CRYBB2: variants seen among roughly 807,000 people sequenced by gnomAD.
CRYBB2 encodes the protein beta-crystallin B2.
CRYBB2 carries 12 observed loss-of-function variants against 24.3 expected under a neutral mutation model. The observed-to-expected ratio is 0.49, with a 90% CI of 0.32 to 0.80. The LOEUF is 0.80. Among genes scored for constraint, CRYBB2 ranks in the 30% least tolerant of loss-of-function variants. The probability of loss-of-function intolerance (pLI) is 0.04; values close to 1 mark genes in which losing one functional copy is unlikely to be tolerated. For synonymous variants in CRYBB2, 98 were observed against 101.6 expected (o/e 0.96, Z 0.21); for missense variants, 198 against 268.5 (o/e 0.74, Z 1.83).
chr22:25,231,454 C>G lies in CRYBB2; in HGVS notation c.450-150C>G, dbSNP rs1356123723. 4 of 767,574 alleles carry G rather than the reference C, an allele frequency of 5.2e-6. No homozygotes were observed. The East Asian group carries it at 1.0e-4, about 19-fold the overall frequency. The allele number at this position is 767,574 out of a possible 1,614,324, so 47.5% of individuals were successfully genotyped here. A position where few individuals can be genotyped will look rare whatever the true frequency, so the allele number is the denominator to read the frequency against. ...TGGAAGGGTGGGGTGGAAAGGGTGT[C>G]CTGCTTACCCTTGGGAAGTGGCAAT... On this transcript the variant is annotated intron_variant, in intron 5 of 5. Coordinates refer to ENST00000398215, the MANE Select transcript of CRYBB2 (RefSeq NM_000496.3).
chr22:25,224,841 C>T (rs1326179457), intron 2 of CRYBB2, 77 bp from the exon 3 acceptor site: 3 of 835,226 alleles, frequency 3.6e-6, no homozygotes, highest in Non-Finnish European at 4.3e-6. Flanking sequence ...GTTCTCTGAG[C>T]TCCCTCCCCA....
chr22:25,223,980 T>C lies in CRYBB2; in HGVS notation c.55-938T>C, dbSNP rs571721639. 3.6e-4 allele frequency among the ~76,000 whole-genome samples: 54 copies of C among 152,028 alleles called. No homozygotes were observed. The South Asian group carries it at 9.6e-3, about 27-fold the overall frequency. On this transcript the variant is annotated intron_variant, in intron 2 of 5. Coordinates refer to ENST00000398215, the MANE Select transcript of CRYBB2 (RefSeq NM_000496.3). ...CTAAAAAAATACAAAAAAAATTAGC[T>C]GGGCGTGGTGGCAGGCGCCTGTAGT...
At chr22:25,230,683 CTCAT>C (rs200899061) in intron 5 of CRYBB2, among the ~76,000 whole-genome samples, 9 of 140,702 alleles carry the variant, frequency 6.4e-5, no homozygotes, top group Non-Finnish European at 1.2e-4. Context: ...CCTTCATTCC[CTCAT>C]TCATTCATTC....
intron 1 of CRYBB2, among the ~76,000 whole-genome samples, chr22:25,220,852 T>A (rs1291474473): frequency 6.6e-6 from 1 of 152,116 alleles, no homozygotes; most frequent in African/African-American, 2.4e-5. Flanking sequence ...ATGATTTCAC[T>A]AATGGGGGAG....
intron 1 of CRYBB2, 30 bp from the exon 2 acceptor site, chr22:25,221,374 G>A: frequency 6.9e-7 from 1 of 1,442,620 alleles, no homozygotes; most frequent in Non-Finnish European, 9.8e-7. Flanking sequence ...GCCCCTCCAG[G>A]TCCTCACTGC....
At chr22:25,219,748 G>C (rs965586577) in intron 1 of CRYBB2, 82 bp downstream of exon 1, 6 of 152,174 alleles carry the variant, frequency 3.9e-5, no homozygotes, top group Non-Finnish European at 8.8e-5. Context: ...CCCAGATTCT[G>C]ACAAGTGACT....
upstream of CRYBB2, among the ~76,000 whole-genome samples, chr22:25,214,799 A>T (rs1017222397): frequency 3.9e-5 from 6 of 152,190 alleles, no homozygotes; most frequent in African/African-American, 1.4e-4. Context: ...AAGGTTTTGG[A>T]GTCTACAAAT....
At position 25,222,521 on chromosome 22, in the gene CRYBB2, T is replaced by C. The variant is rs80182909; in HGVS notation, c.54+1038T>C. Among the ~76,000 whole-genome samples, 735 of 152,202 alleles carry C rather than the reference T, an allele frequency of 4.8e-3. 4 individuals are homozygous for C. Among genetic ancestry groups the C allele is most frequent in the African/African-American group, 0.017 (688 of 41,504 alleles). On this transcript the variant is annotated intron_variant, in intron 2 of 5. Coordinates refer to ENST00000398215, the MANE Select transcript of CRYBB2 (RefSeq NM_000496.3). ...TGCCAGGCCGAGGTGGGAGGACTGT[T>C]TGAACCCAAAAGTTTGAGCCCAGCC...
upstream of CRYBB2, among the ~76,000 whole-genome samples, chr22:25,212,265 A>G (rs945750578): frequency 1.3e-5 from 2 of 152,228 alleles, no homozygotes; most frequent in African/African-American, 4.8e-5. Context: ...ATGGGGGTTT[A>G]TTCTAAAGAC....
At chr22:25,224,793 T>C in intron 2 of CRYBB2, 125 bp from the exon 3 acceptor site, 1 of 769,812 alleles carries the variant, frequency 1.3e-6, no homozygotes, top group South Asian at 1.4e-5. Flanking sequence ...TTATGTTTGA[T>C]TTGTCACTCT....
intron 2 of CRYBB2, among the ~76,000 whole-genome samples, chr22:25,223,725 A>G (rs1935361032): frequency 3.3e-5 from 5 of 152,052 alleles, no homozygotes. Context: ...GACCGTGTCG[A>G]TTCTGTAGCT....
upstream of CRYBB2, among the ~76,000 whole-genome samples, chr22:25,218,779 G>GAGAGAAAGAAAGAAA (rs1935251085): frequency 8.7e-5 from 3 of 34,514 alleles, no homozygotes; most frequent in African/African-American, 1.2e-4. Flanking sequence ...GAGAGAGAGA[G>GAGAGAAAGAAAGAAA]AAGAAAGAAA....
At chr22:25,218,183 C>T (rs539041550), upstream of CRYBB2, among the ~76,000 whole-genome samples, 88 of 151,172 alleles carry the variant, frequency 5.8e-4, no homozygotes, top group East Asian at 1.8e-3. Context: ...GGTGTGAACA[C>T]GGGAGGCAGA....
chr22:25,216,626 T>G (rs1211701187), upstream of CRYBB2, among the ~76,000 whole-genome samples: 1 of 152,174 alleles, frequency 6.6e-6, no homozygotes. Context: ...GGGGACATTT[T>G]TGTGGTAAAA....
chr22:25,212,252 A>G (rs979850851), upstream of CRYBB2, among the ~76,000 whole-genome samples: 1 of 152,236 alleles, frequency 6.6e-6, no homozygotes, highest in Non-Finnish European at 1.5e-5. Context: ...CAGTTCCTCA[A>G]TAATGGGGGT....
chr22:25,226,282 G>A (rs80210475), intron 3 of CRYBB2, among the ~76,000 whole-genome samples: 2,580 of 151,808 alleles, frequency 0.017, 61 homozygotes, highest in African/African-American at 0.059. Context: ...AAGGTAGCAT[G>A]GACTCTCTCC....
At chr22:25,224,294 G>T (rs1935374992) in intron 2 of CRYBB2, among the ~76,000 whole-genome samples, 1 of 152,130 alleles carries the variant, frequency 6.6e-6, no homozygotes, top group Non-Finnish European at 1.5e-5. Context: ...CATTAGGTTT[G>T]AGTGTTAGAA....
intron 2 of CRYBB2, among the ~76,000 whole-genome samples, chr22:25,223,842 C>T (rs527633540): frequency 5.8e-4 from 88 of 152,184 alleles, no homozygotes; most frequent in African/African-American, 1.8e-3. Flanking sequence ...CACTGGAGGC[C>T]GGGCGCGGTG....
At position 25,227,442 on chromosome 22, in the gene CRYBB2, T is replaced by C. The variant is rs7290056; in HGVS notation, c.174-411T>C. On this transcript the variant is annotated intron_variant, in intron 3 of 5. Transcript: ENST00000398215. ...CTTGCAGCCGTGTCATATTGATAGC[T>C]TGAAATCTGCCACAGTGGGAGCATT... 4.9e-3 allele frequency among the ~76,000 whole-genome samples: 744 copies of C among 151,876 alleles called. 9 individuals carry two copies. Among genetic ancestry groups the C allele is most frequent in the African/African-American group, 0.017 (704 of 41,362 alleles).
Sources: allele counts gnomAD v4.1 joint callset (sites outside exome capture counted in the v4.1 genomes callset), GRCh38; gene constraint gnomAD v4.1.1; transcripts MANE v1.5; gene names NCBI Gene and HGNC (gene_info 2026-07-23, HGNC 2026-07-21).